VIM: variants seen among roughly 807,000 people sequenced by gnomAD.
VIM encodes the protein vimentin.
Under a neutral mutation model 50.3 loss-of-function variants are expected in VIM, and 18 were observed. The ratio of observed to expected loss-of-function variants is 0.36; its 90% CI spans 0.25 to 0.53. The LOEUF (loss-of-function observed/expected upper bound fraction) is 0.53. VIM is among the 20% of genes least tolerant of loss of function. The pLI, the probability that VIM is intolerant of heterozygous loss-of-function variation, is 0.91. For synonymous variants in VIM, 245 were observed against 248.5 expected, an observed-to-expected ratio of 0.99 and a Z score of 0.13; for missense variants, 551 against 614.7, an observed-to-expected ratio of 0.90 and a Z score of 1.10.
chr10:17,230,721 T>G lies in VIM; in HGVS notation c.624+11T>G. 6.2e-7 allele frequency: 1 copy of G among 1,613,974 alleles called. No individual in the cohort carries two copies. The highest frequency in any genetic ancestry group is 8.5e-7 in the Non-Finnish European group (1 of 1,179,982). On this transcript the variant is annotated intron_variant, in intron 3 of 9. Coordinates refer to ENST00000544301, the MANE Select transcript of VIM (RefSeq NM_003380.5). ...CAATCTTTCAGACAGGTTTGTAGAC[T>G]CTCTTCCCACTCGCAGCCGCCTGAC... is the stretch of plus-strand genomic sequence containing the variant.
chr10:17,232,268 G>T (rs969548670), intron 3 of VIM, among the ~76,000 whole-genome samples: 3 of 152,156 alleles, frequency 2.0e-5, no homozygotes, highest in Non-Finnish European at 2.9e-5. Context: ...TTCCACTAAG[G>T]TGATAGAAAA....
intron 7 of VIM, 35 bp downstream of exon 7, chr10:17,235,424 G>T (rs1846870921): frequency 2.5e-6 from 4 of 1,608,726 alleles, no homozygotes; most frequent in Non-Finnish European, 3.4e-6. Flanking sequence ...TGAACTAATG[G>T]TGACCATTTG....
chr10:17,231,175 A>G (rs374095375), intron 3 of VIM: 2 of 155,058 alleles, frequency 1.3e-5, no homozygotes, highest in East Asian at 1.9e-4. Context: ...AATTTTTACA[A>G]GGCCACAAAA....
At chr10:17,234,938 A>T (rs1204991973) in intron 6 of VIM, 120 bp downstream of exon 6, 7 of 1,461,378 alleles carry the variant, frequency 4.8e-6, no homozygotes, top group Non-Finnish European at 6.6e-6. Flanking sequence ...TGCAAAGAAA[A>T]TGAGTTATCA....
At position 17,229,499 on chromosome 10, in the gene VIM, C is replaced by T; in HGVS notation, c.77C>T (p.Ser26Phe). 6.2e-7 allele frequency: 1 copy of T among 1,607,860 alleles called. No individual in the cohort carries two copies. The change falls in exon 2 of 10, where the codon TCC (serine) becomes TTC (phenylalanine). Residue 26 changes from serine (S) to phenylalanine (F), a missense_variant. Physicochemically the swap from Ser to Phe is radical, Grantham distance 155 (BLOSUM62 -2). Transcript: ENST00000544301. ...GGPGTASRPS[S>F]SRSYVTTSTR... ...CCGGGCACCGCGAGCCGGCCGAGCTCCAGCCGGAGCTACGTGACTACGTCC... is the reference window on the plus strand; with the variant it reads ...CCGGGCACCGCGAGCCGGCCGAGCTTCAGCCGGAGCTACGTGACTACGTCC...
intron 3 of VIM, 189 bp downstream of exon 3, chr10:17,230,899 G>C: frequency 1.7e-6 from 1 of 594,644 alleles, no homozygotes; most frequent in South Asian, 2.0e-5. Context: ...AAAACCCCTT[G>C]AGCGATTTTT....
Position 17,237,365 on chromosome 10 carries a change from G to T in VIM, c.*94G>T. 1 of 1,259,518 alleles carries T rather than the reference G, an allele frequency of 7.9e-7. No homozygotes were observed. The highest frequency in any genetic ancestry group is 1.1e-6 in the Non-Finnish European group (1 of 885,002). 78.0% of individuals were successfully genotyped at this position (1,259,518 alleles called of 1,614,324 possible). On this transcript the variant is annotated 3_prime_UTR_variant, in exon 10 of 10. Transcript: ENST00000544301. ...AACAGCTTTCAAGTGCCTTTCTGCAGTTTTTCAGGAGCGCAAGATAGATTT... is the reference window on the plus strand; with the variant it reads ...AACAGCTTTCAAGTGCCTTTCTGCATTTTTTCAGGAGCGCAAGATAGATTT...
In VIM at chr10:17,233,777, A is replaced by G. The variant is rs992484456; in HGVS notation, c.728A>G (p.Gln243Arg). 33 of 1,614,108 alleles carry G rather than the reference A, an allele frequency of 2.0e-5. No homozygotes were observed. Among genetic ancestry groups the G allele is most frequent in the Admixed American group, 5.0e-5 (3 of 60,006 alleles). The change falls in exon 5 of 10, where the codon CAG becomes CGG. Residue 243 changes from glutamine to arginine, a missense_variant. Around this residue, in one of 3 missense-constraint regions of VIM, gnomAD observed 394 missense variants for 437.5 expected, o/e 0.90. Transcript: ENST00000544301. Reference sequence around the variant, plus strand: ...TGTCTGTTCTTTTTGCAGGAAATCCAGGAGCTGCAGGCTCAGATTCAGGAA... The same window carrying G: ...TGTCTGTTCTTTTTGCAGGAAATCCGGGAGCTGCAGGCTCAGATTCAGGAA... Reference protein sequence around the residue: ...FLKKLHEEEIQELQAQIQEQH... With the variant: ...FLKKLHEEEIRELQAQIQEQH...
chr10:17,234,758 C>G lies in VIM; in HGVS notation c.948C>G (p.Ser316=), dbSNP rs1588735451. 6.2e-7 allele frequency: 1 copy of G among 1,614,004 alleles called. No individual in the cohort carries two copies. The highest frequency in any genetic ancestry group is 1.3e-5 in the African/African-American group (1 of 74,876). The stretch of plus-strand genomic sequence containing the variant: ...CCCTGCGCCAGGCAAAGCAGGAGTC[C>G]ACTGAGTACCGGAGACAGGTGCAGT... ...NDALRQAKQE[S]TEYRRQVQSL... Residue 316 remains serine (S), a synonymous_variant, in exon 6 of 10, where the codon TCC becomes TCG. Transcript: ENST00000544301.
chr10:17,235,018 T>C, intron 6 of VIM, 151 bp from the exon 7 acceptor site: 1 of 1,162,638 alleles, frequency 8.6e-7, no homozygotes, highest in East Asian at 2.5e-5. Context: ...GCTTCTAATA[T>C]GAAGGACTTG....
intron 3 of VIM, 45 bp from the exon 4 acceptor site, chr10:17,233,542 C>A (rs1479978423): frequency 1.3e-6 from 2 of 1,577,294 alleles, no homozygotes; most frequent in Non-Finnish European, 1.7e-6. Flanking sequence ...ATAAGCCATA[C>A]ACTTTTACAT....
intron 3 of VIM, chr10:17,233,368 A>T (rs925640506): frequency 3.6e-6 from 2 of 554,518 alleles, no homozygotes; most frequent in South Asian, 2.0e-5. Flanking sequence ...CTTGAGTAAA[A>T]CACAAGCAGT....
At position 17,229,421 on chromosome 10, in the gene VIM, C is replaced by T. The variant is rs1326037440; in HGVS notation, c.-2C>T. On this transcript the variant is annotated 5_prime_UTR_variant, in exon 2 of 10. Coordinates refer to ENST00000544301, the MANE Select transcript of VIM (RefSeq NM_003380.5). ...CCCAGGCCATCGCCACCCTCCGCAG[C>T]CATGTCCACCAGGTCCGTGTCCTCG... 2 of 1,602,592 alleles carry T rather than the reference C, an allele frequency of 1.2e-6. No individual in the cohort carries two copies. The highest frequency in any genetic ancestry group is 3.3e-5 in the Admixed American group (2 of 59,748).
rs1846912291 is a variant in VIM at position 17,237,444 on chromosome 10, A to G, written c.*173A>G. ...AACCGACACTCCTACAAGATTTAGA[A>G]AAAAGTTTACAACATAATCTAGTTT... On this transcript the variant is annotated 3_prime_UTR_variant, in exon 10 of 10. Transcript: ENST00000544301. 1.6e-6 allele frequency: 1 copy of G among 637,536 alleles called. No individual in the cohort carries two copies. The highest frequency in any genetic ancestry group is 2.8e-5 in the East Asian group (1 of 35,826). 39.5% of individuals were successfully genotyped at this position (637,536 alleles called of 1,614,324 possible).
chr10:17,230,125 C>A (rs1052857432), intron 2 of VIM, 140 bp downstream of exon 2: 3 of 1,130,504 alleles, frequency 2.7e-6, no homozygotes, highest in Admixed American at 2.9e-5. Context: ...CAGCGGAGAG[C>A]GGGGCTGTGG....
rs547895152 is a variant in VIM at position 17,228,488 on chromosome 10, C to T, written c.-184C>T. ...TCTGGTCTAACGGTTTCCCCTAAACCGCTAGGAGCCCTCAATCGGCGGGAC... is the reference window on the plus strand; with the variant it reads ...TCTGGTCTAACGGTTTCCCCTAAACTGCTAGGAGCCCTCAATCGGCGGGAC... On this transcript the variant is annotated 5_prime_UTR_variant, in exon 1 of 10. Transcript: ENST00000544301. 27 of 152,378 alleles carry T rather than the reference C, an allele frequency of 1.8e-4. No individual in the cohort carries two copies. The highest frequency in any genetic ancestry group is 6.3e-4 in the African/African-American group (26 of 41,580). The allele number at this position is 152,378 out of a possible 1,614,324, so 9.4% of individuals were successfully genotyped here.
chr10:17,230,603 C>G (rs377084802), intron 2 of VIM, 47 bp from the exon 3 acceptor site: 2 of 1,610,054 alleles, frequency 1.2e-6, no homozygotes, highest in African/African-American at 2.7e-5. Context: ...CCGCCCCGCC[C>G]CTGGCGGTTT....
intron 1 of VIM, 79 bp from the exon 2 acceptor site, chr10:17,229,197 C>T (rs1846733387): frequency 3.3e-6 from 1 of 303,356 alleles, no homozygotes. Context: ...GGCTGGCGCG[C>T]TCCGCGGCTG....
At position 17,233,834 on chromosome 10, in the gene VIM, A is replaced by C. The variant is rs1846838371; in HGVS notation, c.785A>C (p.Lys262Thr). ...QHVQIDVDVS[K>T]PDLTAALRDV... ...GTCCAAATCGATGTGGATGTTTCCA[A>C]GCCTGACCTCACGGCTGCCCTGCGT... is the stretch of plus-strand genomic sequence containing the variant. Residue 262 changes from lysine to threonine, a missense_variant, in exon 5 of 10, where the codon AAG becomes ACG. Lys to Thr is a moderately conservative substitution (Grantham distance 78). This residue lies in a region of VIM where 394 missense variants were observed against 437.5 expected (regional missense o/e 0.90). Coordinates refer to ENST00000544301, the MANE Select transcript of VIM (RefSeq NM_003380.5). 6.2e-7 allele frequency: 1 copy of C among 1,614,220 alleles called. No homozygotes were observed. The highest frequency in any genetic ancestry group is 8.5e-7 in the Non-Finnish European group (1 of 1,180,046).
Sources: gnomAD v4.1 joint callset for allele counts (sites outside exome capture counted in the v4.1 genomes callset) on GRCh38, gnomAD v4.1.1 for gene constraint, gnomAD v4.1.1 regional missense constraint, MANE v1.5 for transcripts, NCBI Gene and HGNC (gene_info 2026-07-23, HGNC 2026-07-21) for gene names.